BTG4: variants seen among roughly 807,000 people sequenced by gnomAD.
The protein encoded by BTG4 is protein BTG4.
BTG4 carries 10 observed loss-of-function variants against 19.3 expected under a neutral mutation model. The observed-to-expected ratio is 0.52, with a 90% confidence interval of 0.32 to 0.88. The LOEUF (loss-of-function observed/expected upper bound fraction) is 0.88, where lower values mean the gene tolerates loss of function less well. Among genes scored for constraint, BTG4 ranks in the 40% least tolerant of loss-of-function variants. The pLI, the probability that BTG4 is intolerant of heterozygous loss-of-function variation, is 0.04. For synonymous variants in BTG4, 91 were observed against 95.7 expected (o/e 0.95, Z 0.29); for missense variants, 238 against 281.9 (o/e 0.84, Z 1.11).
chr11:111,447,911 C>T, the BTG4 span, among the ~76,000 whole-genome samples: 2 of 152,194 alleles, frequency 1.3e-5, no homozygotes, highest in African/African-American at 4.8e-5. Flanking sequence ...CCACCCTCAT[C>T]TTGTTTTCTC....
At chr11:111,428,618 C>G in the BTG4 span, among the ~76,000 whole-genome samples, 3 of 152,198 alleles carry the variant, frequency 2.0e-5, no homozygotes, top group Admixed American at 6.5e-5. Flanking sequence ...CCCAGGGGAC[C>G]TGAGCCCTAG....
chr11:111,467,581 T>C (rs1863795315), exon 6 of BTG4: 1 of 706,740 alleles, frequency 1.4e-6, no homozygotes, highest in African/African-American at 1.8e-5. Context: ...CCTGAAGATT[T>C]CTTCTCATCT....
chr11:111,436,793 C>T, the BTG4 span, among the ~76,000 whole-genome samples: 18 of 152,328 alleles, frequency 1.2e-4, no homozygotes, highest in Non-Finnish European at 2.2e-4. Flanking sequence ...GCCTGCCCCT[C>T]CAGTCCACAC....
downstream of BTG4, among the ~76,000 whole-genome samples, chr11:111,463,783 G>C (rs947031041): frequency 3.3e-5 from 5 of 152,220 alleles, no homozygotes; most frequent in Non-Finnish European, 5.9e-5. Flanking sequence ...CTACACTCAA[G>C]GTGTGGGCCA....
At chr11:111,501,455 T>C (rs932536983) in intron 1 of BTG4, among the ~76,000 whole-genome samples, 3 of 152,208 alleles carry the variant, frequency 2.0e-5, no homozygotes, top group Non-Finnish European at 4.4e-5. Context: ...TGTAATGTCT[T>C]TGATGCTTGA....
chr11:111,493,819 GA>G (rs986549387), downstream of BTG4, among the ~76,000 whole-genome samples: 1 of 151,602 alleles, frequency 6.6e-6, no homozygotes, highest in South Asian at 2.1e-4. Flanking sequence ...ATCGTTTCTA[GA>G]AAAAAAAGAA....
At chr11:111,385,114 AGTT>A in the BTG4 span, 8 of 152,272 alleles carry the variant, frequency 5.3e-5, no homozygotes, top group South Asian at 1.0e-3. Context: ...ATAAAACAAA[AGTT>A]AAACTTTTAA....
the BTG4 span, among the ~76,000 whole-genome samples, chr11:111,429,593 GA>G: frequency 6.6e-6 from 1 of 152,140 alleles, no homozygotes; most frequent in Non-Finnish European, 1.5e-5. Flanking sequence ...AAACTAATAG[GA>G]AAAGGGACAT....
chr11:111,511,251 T>C (rs770991720), intron 1 of BTG4, among the ~76,000 whole-genome samples: 1 of 152,266 alleles, frequency 6.6e-6, no homozygotes, highest in Non-Finnish European at 1.5e-5. Flanking sequence ...TTCTTTCCCT[T>C]CACTATGGGG....
the BTG4 span, among the ~76,000 whole-genome samples, chr11:111,393,250 G>A: frequency 1.3e-5 from 2 of 152,286 alleles, no homozygotes; most frequent in South Asian, 2.1e-4. Context: ...AAATTACGAT[G>A]AGTCACTTTA....
chr11:111,489,591 A>G (rs955005099), intron 5 of BTG4, among the ~76,000 whole-genome samples: 1 of 152,264 alleles, frequency 6.6e-6, no homozygotes, highest in Admixed American at 6.5e-5. Context: ...ACAATGGAAC[A>G]TTATTCAATC....
the BTG4 span, chr11:111,452,570 G>A: frequency 6.6e-6 from 1 of 152,274 alleles, no homozygotes; most frequent in Non-Finnish European, 1.5e-5. Context: ...TGCTCCTGGG[G>A]CTTTGAGTAA....
At chr11:111,504,830 A>C (rs1866338982) in intron 1 of BTG4, among the ~76,000 whole-genome samples, 1 of 152,008 alleles carries the variant, frequency 6.6e-6, no homozygotes, top group Non-Finnish European at 1.5e-5. Context: ...AGTAACATTG[A>C]AGCTGAGAAC....
chr11:111,388,672 CT>C, the BTG4 span, among the ~76,000 whole-genome samples: 1 of 152,162 alleles, frequency 6.6e-6, no homozygotes, highest in African/African-American at 2.4e-5. Context: ...ACCCTATGAC[CT>C]GGCACACACT....
At chr11:111,383,855 C>G in the BTG4 span, among the ~76,000 whole-genome samples, 1 of 152,148 alleles carries the variant, frequency 6.6e-6, no homozygotes. Flanking sequence ...TCCAGCTGAG[C>G]ATGGGACAGC....
At chr11:111,460,167 C>T in the BTG4 span, 561 of 152,700 alleles carry the variant, frequency 3.7e-3, 1 homozygote, top group Non-Finnish European at 6.3e-3. Flanking sequence ...CCTTCCTTCC[C>T]CATCTCTGGT....
In BTG4 at chr11:111,509,974, C is replaced by T. The variant is rs549704676; in HGVS notation, c.-27+2207G>A. Among the ~76,000 whole-genome samples the T allele has an allele frequency of 3.4e-5, 5 of 145,590 alleles. 1 individual carries two copies. In the South Asian group the frequency reaches 8.8e-4, roughly 26 times the overall value. On this transcript the variant is annotated intron_variant, in intron 1 of 4. Transcript: ENST00000692032. ...TCACCCAGGCTGGAGTGCAGTGGCACGATCTCGGCTCACTGCAACCTCTGC... is the reference window on the plus strand; with the variant it reads ...TCACCCAGGCTGGAGTGCAGTGGCATGATCTCGGCTCACTGCAACCTCTGC...
At chr11:111,447,876 T>A in the BTG4 span, among the ~76,000 whole-genome samples, 19 of 152,326 alleles carry the variant, frequency 1.2e-4, 1 homozygote, top group African/African-American at 4.6e-4. Flanking sequence ...CTGGGTCCAC[T>A]TGTCCCTGTG....
At chr11:111,449,470 T>C in the BTG4 span, 1 of 152,132 alleles carries the variant, frequency 6.6e-6, no homozygotes, top group African/African-American at 2.4e-5. Context: ...CAAGGCTCAG[T>C]GGAATGACCA....
Sources: allele counts gnomAD v4.1 joint callset (sites outside exome capture counted in the v4.1 genomes callset), GRCh38; gene constraint gnomAD v4.1.1; transcripts MANE v1.5; gene names NCBI Gene and HGNC (gene_info 2026-07-23, HGNC 2026-07-21).